Variants in LRRC4C observed in about 807,000 individuals in gnomAD.
The protein encoded by LRRC4C is leucine-rich repeat-containing protein 4C.
LRRC4C carries 5 observed loss-of-function variants against 33.6 expected under a neutral mutation model. The ratio of observed to expected loss-of-function variants is 0.15; its 90% confidence interval spans 0.08 to 0.31. LRRC4C has a LOEUF of 0.31. Among genes scored for constraint, LRRC4C ranks in the 10% least tolerant of loss-of-function variants. LRRC4C has a pLI of 1.00. For synonymous variants in LRRC4C, 329 were observed against 302.0 expected (o/e 1.09, Z -0.93); for missense variants, 560 against 796.7 (o/e 0.70, Z 3.58).
chr11:40,236,344 T>C (rs1411497469), intron 5 of LRRC4C, among the ~76,000 whole-genome samples: 1 of 152,152 alleles, frequency 6.6e-6, no homozygotes, highest in Admixed American at 6.6e-5. Flanking sequence ...CCCTAACTAC[T>C]CCTCTGTAAT....
intron 4 of LRRC4C, among the ~76,000 whole-genome samples, chr11:40,251,603 G>A (rs765764859): frequency 6.6e-6 from 1 of 152,134 alleles, no homozygotes; most frequent in Admixed American, 6.6e-5. Context: ...CAAAGGTCAG[G>A]GGGCCTGCAT....
intron 3 of LRRC4C, among the ~76,000 whole-genome samples, chr11:40,494,600 G>A (rs1445291650): frequency 6.6e-6 from 1 of 151,988 alleles, no homozygotes; most frequent in African/African-American, 2.4e-5. Context: ...TATACATCTA[G>A]CATGCAGAAG....
intron 3 of LRRC4C, among the ~76,000 whole-genome samples, chr11:40,520,795 A>G (rs1038119633): frequency 3.3e-5 from 5 of 152,178 alleles, no homozygotes; most frequent in African/African-American, 1.2e-4. Context: ...TTGATGTGCA[A>G]TAAAGCAAAG....
In LRRC4C at chr11:40,879,156, G is replaced by A. The variant is rs571165394; in HGVS notation, c.-407+54479C>T. On this transcript the variant is annotated intron_variant, in intron 2 of 6. Transcript: ENST00000528697. ...CATGGAGCTCTCTGTCATGATCACTGGAAAATCAGTTTCCATCTGAAAAGG... is the reference window on the plus strand; with the variant it reads ...CATGGAGCTCTCTGTCATGATCACTAGAAAATCAGTTTCCATCTGAAAAGG... Among the ~76,000 whole-genome samples, 310 of 152,216 alleles carry A rather than the reference G, an allele frequency of 2.0e-3. 1 individual carries two copies. The highest frequency in any genetic ancestry group is 7.1e-3 in the African/African-American group (293 of 41,528).
intron 3 of LRRC4C, among the ~76,000 whole-genome samples, chr11:40,412,150 A>G (rs1950178337): frequency 6.6e-6 from 1 of 152,040 alleles, no homozygotes; most frequent in African/African-American, 2.4e-5. Flanking sequence ...CACAAAAGAA[A>G]CTTTTACATA....
intron 1 of LRRC4C, among the ~76,000 whole-genome samples, chr11:41,396,641 G>A (rs184406395): frequency 2.0e-5 from 3 of 152,070 alleles, no homozygotes; most frequent in African/African-American, 7.2e-5. Flanking sequence ...GGGTAAATGT[G>A]CAGGTTTGTT....
intron 1 of LRRC4C, among the ~76,000 whole-genome samples, chr11:40,939,719 G>A (rs1032323007): frequency 2.0e-5 from 3 of 152,194 alleles, no homozygotes; most frequent in African/African-American, 7.2e-5. Flanking sequence ...GCAGCAAAGT[G>A]AAGATGGTTG....
intron 4 of LRRC4C, among the ~76,000 whole-genome samples, chr11:40,268,639 C>T (rs1942458799): frequency 6.6e-6 from 1 of 151,786 alleles, no homozygotes; most frequent in African/African-American, 2.4e-5. Context: ...TAACATCAAA[C>T]CGTAGCACTG....
chr11:41,371,862 G>A lies in LRRC4C; in HGVS notation c.-496+87569C>T, dbSNP rs761435277. On this transcript the variant is annotated intron_variant, in intron 1 of 6. Coordinates refer to ENST00000528697, the MANE Select transcript of LRRC4C (RefSeq NM_001258419.2). The stretch of plus-strand genomic sequence containing the variant: ...AACAGAGATAGAAATTGGGCCGGGC[G>A]CGGTGGCTCATGCCTGTGATCCCAG... Among the ~76,000 whole-genome samples the A allele has an allele frequency of 6.6e-5, 10 of 152,330 alleles. No homozygotes were observed. The East Asian group carries it at 9.7e-4, about 15-fold the overall frequency.
intron 1 of LRRC4C, among the ~76,000 whole-genome samples, chr11:41,086,589 A>T (rs2135518883): frequency 6.6e-6 from 1 of 152,276 alleles, no homozygotes; most frequent in East Asian, 1.9e-4. Flanking sequence ...AGTTCAAATT[A>T]TGATAAGAAT....
intron 1 of LRRC4C, among the ~76,000 whole-genome samples, chr11:41,057,619 A>T (rs1362448317): frequency 1.3e-5 from 2 of 152,196 alleles, no homozygotes; most frequent in African/African-American, 4.8e-5. Context: ...GGCCCATAGA[A>T]GCCCTGGACT....
intron 3 of LRRC4C, among the ~76,000 whole-genome samples, chr11:40,556,640 C>A (rs990633151): frequency 1.2e-4 from 18 of 152,134 alleles, no homozygotes; most frequent in Non-Finnish European, 1.3e-4. Context: ...ATCTACCAGG[C>A]AGTTCTGGCT....
intron 2 of LRRC4C, among the ~76,000 whole-genome samples, chr11:40,863,860 A>C (rs1954221960): frequency 6.6e-6 from 1 of 152,084 alleles, no homozygotes; most frequent in South Asian, 2.1e-4. Flanking sequence ...TAACTTATTT[A>C]AGTTGTGTTC....
At chr11:40,950,730 T>A (rs1300342172) in intron 1 of LRRC4C, among the ~76,000 whole-genome samples, 3 of 152,056 alleles carry the variant, frequency 2.0e-5, no homozygotes, top group Admixed American at 6.6e-5. Context: ...CATACCCAAG[T>A]AAGTTTATTT....
At chr11:40,412,303 G>C (rs1002852442) in intron 3 of LRRC4C, among the ~76,000 whole-genome samples, 1 of 152,014 alleles carries the variant, frequency 6.6e-6, no homozygotes, top group Non-Finnish European at 1.5e-5. Context: ...GACACATTCA[G>C]ACTCCTGTAA....
intron 2 of LRRC4C, among the ~76,000 whole-genome samples, chr11:40,911,293 C>A (rs1288105369): frequency 6.6e-6 from 1 of 152,112 alleles, no homozygotes; most frequent in Non-Finnish European, 1.5e-5. Flanking sequence ...GGGAGGCACC[C>A]CCGAGTAGGG....
At chr11:40,409,967 A>G (rs992814422) in intron 3 of LRRC4C, among the ~76,000 whole-genome samples, 2 of 152,134 alleles carry the variant, frequency 1.3e-5, no homozygotes, top group Admixed American at 6.6e-5. Context: ...AATATCTACA[A>G]TTTTATTAGT....
intron 1 of LRRC4C, among the ~76,000 whole-genome samples, chr11:41,135,678 G>T (rs1943224784): frequency 6.6e-6 from 1 of 152,082 alleles, no homozygotes; most frequent in South Asian, 2.1e-4. Flanking sequence ...CCTTTAAGCA[G>T]TGTCTGACAT....
At chr11:40,677,851 A>G (rs1047818113) in intron 2 of LRRC4C, among the ~76,000 whole-genome samples, 1 of 152,168 alleles carries the variant, frequency 6.6e-6, no homozygotes, top group African/African-American at 2.4e-5. Flanking sequence ...ATTTCTTTAC[A>G]TGACCTCCAA....
Sources: gnomAD v4.1 joint callset for allele counts (sites outside exome capture counted in the v4.1 genomes callset) on GRCh38, gnomAD v4.1.1 for gene constraint, MANE v1.5 for transcripts, NCBI Gene and HGNC (gene_info 2026-07-23, HGNC 2026-07-21) for gene names.